The following PTPRZ1 variants were observed in gnomAD, a reference collection of about 807,000 sequenced individuals.
PTPRZ1 encodes the protein receptor-type tyrosine-protein phosphatase zeta.
PTPRZ1 carries 82 observed loss-of-function variants against 214.1 expected under a neutral mutation model. The observed-to-expected ratio is 0.38, with a 90% confidence interval of 0.32 to 0.46. The LOEUF is 0.46. Ranked by LOEUF, PTPRZ1 falls within the 20% of genes least tolerant of loss-of-function variation. PTPRZ1 has a pLI of 1.00. For missense variants in PTPRZ1, 2,603 were observed against 2,748.7 expected, an observed-to-expected ratio of 0.95 and a Z score of 1.19; for synonymous variants, 945 against 987.9, an observed-to-expected ratio of 0.96 and a Z score of 0.81.
In PTPRZ1 at chr7:121,886,135, T is replaced by C. The variant is rs2116189087; in HGVS notation, c.58+12578T>C. Among the ~76,000 whole-genome samples, 4 of 152,178 alleles carry C rather than the reference T, an allele frequency of 2.6e-5. 1 individual carries two copies. In the South Asian group the frequency reaches 8.3e-4, roughly 32 times the overall value. ...GCTACTGGGGAAAATGCACTGAAAA[T>C]AGGTCATCAAGAAAAGATTGATATA... is the stretch of plus-strand genomic sequence containing the variant. On this transcript the variant is annotated intron_variant, in intron 1 of 29. Coordinates refer to ENST00000393386, the MANE Select transcript of PTPRZ1 (RefSeq NM_002851.3).
intron 2 of PTPRZ1, among the ~76,000 whole-genome samples, chr7:121,955,913 T>C (rs1320650677): frequency 2.0e-5 from 3 of 152,176 alleles, no homozygotes; most frequent in African/African-American, 7.2e-5. Flanking sequence ...CACTGCTGTA[T>C]TGGGTTTCAG....
At chr7:121,998,567 C>T (rs1798216617) in intron 10 of PTPRZ1, among the ~76,000 whole-genome samples, 1 of 152,022 alleles carries the variant, frequency 6.6e-6, no homozygotes, top group African/African-American at 2.4e-5. Flanking sequence ...AAAGTTGTTT[C>T]TACTTGTGTT....
chr7:122,018,209 G>A (rs916857144), intron 12 of PTPRZ1, among the ~76,000 whole-genome samples: 8 of 152,236 alleles, frequency 5.3e-5, no homozygotes, highest in Admixed American at 2.6e-4. Context: ...GTTAGAAACC[G>A]TTCTCATGCT....
intron 2 of PTPRZ1, among the ~76,000 whole-genome samples, chr7:121,937,953 TTTTA>T (rs1160357981): frequency 6.6e-6 from 1 of 152,206 alleles, no homozygotes; most frequent in East Asian, 1.9e-4. Flanking sequence ...GAAAACACTT[TTTTA>T]TTTATCATTA....
At chr7:121,888,574 C>T (rs1425224711) in intron 1 of PTPRZ1, among the ~76,000 whole-genome samples, 1 of 152,130 alleles carries the variant, frequency 6.6e-6, no homozygotes, top group Admixed American at 6.5e-5. Flanking sequence ...AATGGATCCA[C>T]CAAAATATGT....
rs1234357038 is a variant in PTPRZ1, at chr7:122,038,809, G to A, written c.5422G>A (p.Ala1808Thr). The A allele has an allele frequency of 1.2e-6, 2 of 1,613,610 alleles. No homozygotes were observed. Among genetic ancestry groups the A allele is most frequent in the Non-Finnish European group, 1.7e-6 (2 of 1,179,764 alleles). ...TGCCCAAGGCCCACTGAAATCCACA[G>A]CTGAAGATTTCTGGAGAATGATATG... ...IAAQGPLKST[A>T]EDFWRMIWEH... Residue 1808 changes from alanine (A) to threonine (T), a missense_variant, in exon 19 of 30, where the codon GCT becomes ACT. Coordinates refer to ENST00000393386, the MANE Select transcript of PTPRZ1 (RefSeq NM_002851.3).
In PTPRZ1 at chr7:121,998,016, A is replaced by G. The variant is rs201177572; in HGVS notation, c.1240+10A>G. The G allele has an allele frequency of 1.3e-5, 21 of 1,611,166 alleles. No homozygotes were observed. The East Asian group carries it at 4.7e-4, about 36-fold the overall frequency. ...CCTACTGATAATCCTGGTAAGTGCC[A>G]CCAGATACATCTATATATTAACTCA... On this transcript the variant is annotated intron_variant, in intron 10 of 29. Transcript: ENST00000393386.
chr7:121,929,503 G>GA (rs10717646), intron 2 of PTPRZ1, among the ~76,000 whole-genome samples: 145 of 141,952 alleles, frequency 1.0e-3, no homozygotes, highest in Middle Eastern at 3.6e-3. Flanking sequence ...TACCGAGTAG[G>GA]AAAAAAAAAA....
At chr7:121,978,233 T>C (rs1400677725) in intron 6 of PTPRZ1, among the ~76,000 whole-genome samples, 1 of 152,220 alleles carries the variant, frequency 6.6e-6, no homozygotes, top group Non-Finnish European at 1.5e-5. Flanking sequence ...TTATTCTGCC[T>C]ATATTCTGGC....
intron 2 of PTPRZ1, among the ~76,000 whole-genome samples, chr7:121,936,270 T>G (rs1796083526): frequency 1.3e-5 from 2 of 152,204 alleles, no homozygotes; most frequent in Non-Finnish European, 2.9e-5. Context: ...GTGAAGCATA[T>G]TTTAATGACT....
intron 21 of PTPRZ1, 49 bp from the exon 22 acceptor site, chr7:122,042,559 T>A (rs780569435): frequency 6.6e-7 from 1 of 1,525,632 alleles, no homozygotes; most frequent in South Asian, 1.3e-5. Context: ...TTTTTCAAAT[T>A]TATTTTATGC....
chr7:121,931,015 C>G (rs1011856369), intron 2 of PTPRZ1, among the ~76,000 whole-genome samples: 14 of 152,116 alleles, frequency 9.2e-5, no homozygotes, highest in African/African-American at 3.4e-4. Flanking sequence ...TGCAGGACAT[C>G]TTTTTAAATG....
intron 1 of PTPRZ1, among the ~76,000 whole-genome samples, chr7:121,901,472 CAG>C (rs1483538311): frequency 1.3e-5 from 2 of 152,096 alleles, no homozygotes; most frequent in African/African-American, 2.4e-5. Flanking sequence ...TACACAATTA[CAG>C]AGTTACCAAA....
At chr7:122,039,057 A>G (rs1799635086) in intron 19 of PTPRZ1, among the ~76,000 whole-genome samples, 168 bp downstream of exon 19, 1 of 152,208 alleles carries the variant, frequency 6.6e-6, no homozygotes, top group South Asian at 2.1e-4. Context: ...GTTAGTCAAA[A>G]AGTTTCATTA....
At chr7:122,019,040 G>C in intron 12 of PTPRZ1, 84 bp from the exon 13 acceptor site, 1 of 1,305,096 alleles carries the variant, frequency 7.7e-7, no homozygotes. Context: ...TAACAGCAAT[G>C]AAGGTTGCAA....
intron 6 of PTPRZ1, among the ~76,000 whole-genome samples, chr7:121,981,462 G>T (rs1313936681): frequency 6.6e-6 from 1 of 152,210 alleles, no homozygotes; most frequent in Non-Finnish European, 1.5e-5. Context: ...CATAGAGAGG[G>T]CAGAGGACTT....
At chr7:121,978,759 T>C (rs777598751) in intron 6 of PTPRZ1, among the ~76,000 whole-genome samples, 2 of 152,218 alleles carry the variant, frequency 1.3e-5, no homozygotes, top group African/African-American at 2.4e-5. Context: ...CCTTCATGCC[T>C]ATCCACTCAT....
chr7:121,947,877 A>G (rs914263212), intron 2 of PTPRZ1, among the ~76,000 whole-genome samples: 2 of 152,124 alleles, frequency 1.3e-5, no homozygotes, highest in African/African-American at 4.8e-5. Flanking sequence ...TCACATGACA[A>G]ACTGGGACAC....
chr7:122,037,295 G>A (rs1799578066), intron 18 of PTPRZ1, among the ~76,000 whole-genome samples: 1 of 152,032 alleles, frequency 6.6e-6, no homozygotes, highest in Admixed American at 6.6e-5. Context: ...AAAATGTGAA[G>A]GGCAGGGCCA....
Sources: gnomAD v4.1 joint callset for allele counts (sites outside exome capture counted in the v4.1 genomes callset) on GRCh38, gnomAD v4.1.1 for gene constraint, MANE v1.5 for transcripts, NCBI Gene and HGNC (gene_info 2026-07-23, HGNC 2026-07-21) for gene names.